RAD51B: variants seen among roughly 807,000 people sequenced by gnomAD.
RAD51B encodes DNA repair protein RAD51 homolog 2.
Under a neutral mutation model 42.2 loss-of-function variants are expected in RAD51B, and 38 were observed. That is an observed-to-expected ratio of 0.90 (90% confidence interval 0.70 to 1.18). RAD51B has a LOEUF of 1.18. Ranked by LOEUF, RAD51B falls within the 50% of genes most tolerant of loss-of-function variation. RAD51B has a pLI of 0.00. For missense variants in RAD51B, 373 were observed against 400.7 expected (o/e 0.93, Z 0.59); for synonymous variants, 154 against 145.2 (o/e 1.06, Z -0.43).
intron 10 of RAD51B, among the ~76,000 whole-genome samples, chr14:68,469,331 G>T (rs574096124): frequency 6.6e-6 from 1 of 152,202 alleles, no homozygotes; most frequent in Non-Finnish European, 1.5e-5. Flanking sequence ...TCTAACTAAG[G>T]AACAGGCTGC....
At chr14:68,459,782 T>C (rs2085797288) in intron 9 of RAD51B, among the ~76,000 whole-genome samples, 1 of 152,254 alleles carries the variant, frequency 6.6e-6, no homozygotes, top group African/African-American at 2.4e-5. Flanking sequence ...CCACATCTTA[T>C]AGCAGATAGC....
At chr14:68,444,553 G>A (rs2140169658) in intron 9 of RAD51B, among the ~76,000 whole-genome samples, 1 of 152,216 alleles carries the variant, frequency 6.6e-6, no homozygotes, top group Non-Finnish European at 1.5e-5. Flanking sequence ...TATTTTAGAG[G>A]GATAGGGTTT....
chr14:68,306,904 A>G (rs1233410634), intron 8 of RAD51B, among the ~76,000 whole-genome samples: 2 of 152,146 alleles, frequency 1.3e-5, no homozygotes, highest in East Asian at 1.9e-4. Context: ...GAGAAAGGAG[A>G]TGACTTCTGT....
Position 68,029,555 on chromosome 14 carries a change from A to G in RAD51B, c.756+142351A>G, listed in dbSNP as rs148517319. Among the ~76,000 whole-genome samples the G allele has an allele frequency of 3.3e-3, 505 of 152,336 alleles. 5 individuals are homozygous for G. Among genetic ancestry groups the G allele is most frequent in the African/African-American group, 0.011 (478 of 41,574 alleles). ...GGTGAGATTGCAACAATTCAATCGTATCTTCAGGCTCTACTTCTCATTCTA... is the reference window on the plus strand; with the variant it reads ...GGTGAGATTGCAACAATTCAATCGTGTCTTCAGGCTCTACTTCTCATTCTA... On this transcript the variant is annotated intron_variant, in intron 7 of 10. Coordinates refer to ENST00000471583, the MANE Select transcript of RAD51B (RefSeq NM_133510.4).
intron 7 of RAD51B, among the ~76,000 whole-genome samples, chr14:67,948,732 C>G (rs2074381690): frequency 6.6e-6 from 1 of 151,572 alleles, no homozygotes; most frequent in South Asian, 2.1e-4. Context: ...GAGATCGAGA[C>G]CATCCTGGCT....
intron 7 of RAD51B, chr14:68,236,129 C>T (rs1027297239): frequency 6.6e-6 from 1 of 152,062 alleles, no homozygotes; most frequent in African/African-American, 2.4e-5. Flanking sequence ...ACCTGGGTGG[C>T]AAAATAATCT....
At chr14:68,354,177 TG>T in intron 8 of RAD51B, among the ~76,000 whole-genome samples, 2 of 152,216 alleles carry the variant, frequency 1.3e-5, no homozygotes, top group Non-Finnish European at 2.9e-5. Context: ...TAAGAACTTT[TG>T]TGTCTTCCAA....
chr14:68,186,925 A>G lies in RAD51B; in HGVS notation c.757-104959A>G, dbSNP rs373480089. Among the ~76,000 whole-genome samples, 12 of 152,342 alleles carry G rather than the reference A, an allele frequency of 7.9e-5. No homozygotes were observed. The East Asian group carries it at 2.1e-3, about 27-fold the overall frequency. On this transcript the variant is annotated intron_variant, in intron 7 of 10. Transcript: ENST00000471583. The stretch of plus-strand genomic sequence containing the variant: ...GACACATACATATACTCACATGTTC[A>G]TCGCAGCACTATTCACGATAGCAAA...
chr14:68,453,661 T>A (rs8015115), intron 9 of RAD51B, among the ~76,000 whole-genome samples: 34,123 of 151,720 alleles, frequency 0.22, 4,028 homozygotes, highest in African/African-American at 0.28. Flanking sequence ...AGATGGTGAG[T>A]CTACAGCCCC....
chr14:68,188,840 G>T (rs966753855), intron 7 of RAD51B, among the ~76,000 whole-genome samples: 1 of 152,128 alleles, frequency 6.6e-6, no homozygotes, highest in Admixed American at 6.5e-5. Context: ...CCATGTATGT[G>T]CTTCAGACAC....
rs375591888 is a variant in RAD51B at position 68,362,721 on chromosome 14, C to T, written c.854-48703C>T. 8.5e-4 allele frequency among the ~76,000 whole-genome samples: 130 copies of T among 152,076 alleles called. 1 individual carries two copies. In the East Asian group the frequency reaches 0.021, roughly 24 times the overall value. Reference sequence around the variant, plus strand: ...AAAATTAGCCGGGCATGGTGGTGGGCGCCTGTAGTCCCAGCTACTCAGGAG... The same window carrying T: ...AAAATTAGCCGGGCATGGTGGTGGGTGCCTGTAGTCCCAGCTACTCAGGAG... On this transcript the variant is annotated intron_variant, in intron 8 of 10. Transcript: ENST00000471583.
intron 7 of RAD51B, among the ~76,000 whole-genome samples, chr14:68,130,751 C>T (rs983158756): frequency 2.0e-5 from 3 of 152,178 alleles, no homozygotes; most frequent in African/African-American, 7.2e-5. Flanking sequence ...GGCAACTTCA[C>T]TTCCTATGGG....
intron 8 of RAD51B, among the ~76,000 whole-genome samples, chr14:68,345,157 A>C (rs915112920): frequency 6.6e-6 from 1 of 152,178 alleles, no homozygotes; most frequent in African/African-American, 2.4e-5. Flanking sequence ...TCCAGATGAA[A>C]CTTTGGACTT....
At chr14:68,011,991 AAC>A (rs1376508329) in intron 7 of RAD51B, among the ~76,000 whole-genome samples, 2 of 152,136 alleles carry the variant, frequency 1.3e-5, no homozygotes, top group East Asian at 3.8e-4. Flanking sequence ...TCAATAAACA[AAC>A]ACAGAGATAT....
chr14:68,084,827 G>A (rs916292197), intron 7 of RAD51B, among the ~76,000 whole-genome samples: 1 of 152,288 alleles, frequency 6.6e-6, no homozygotes, highest in East Asian at 1.9e-4. Flanking sequence ...GTACGCTGCT[G>A]TGTGTGTCTT....
At chr14:68,310,572 G>A (rs370714065) in intron 8 of RAD51B, among the ~76,000 whole-genome samples, 11 of 152,162 alleles carry the variant, frequency 7.2e-5, no homozygotes, top group South Asian at 2.1e-4. Flanking sequence ...ACGGCTGGAC[G>A]TGGTGGCTCA....
intron 7 of RAD51B, among the ~76,000 whole-genome samples, chr14:68,260,120 C>T (rs1413276427): frequency 3.9e-5 from 6 of 152,054 alleles, no homozygotes; most frequent in Admixed American, 3.9e-4. Flanking sequence ...CAGAGGAGGC[C>T]TCTATGAGGA....
intron 7 of RAD51B, among the ~76,000 whole-genome samples, chr14:67,899,839 G>T (rs1344041597): frequency 6.6e-6 from 1 of 152,170 alleles, no homozygotes; most frequent in Non-Finnish European, 1.5e-5. Flanking sequence ...TGAAGAAATT[G>T]AGGCTTATAG....
chr14:68,571,932 A>T (rs1889726309), intron 10 of RAD51B, among the ~76,000 whole-genome samples: 1 of 152,222 alleles, frequency 6.6e-6, no homozygotes, highest in Non-Finnish European at 1.5e-5. Context: ...AGAAGGAGCT[A>T]CAAGAGGCGG....
Sources: gnomAD v4.1 joint callset for allele counts (sites outside exome capture counted in the v4.1 genomes callset) on GRCh38, gnomAD v4.1.1 for gene constraint, MANE v1.5 for transcripts, NCBI Gene and HGNC (gene_info 2026-07-23, HGNC 2026-07-21) for gene names.